The following CCNA1 variants were observed in gnomAD, a reference collection of about 807,000 sequenced individuals.
CCNA1 encodes cyclin-A1.
In CCNA1, 23 loss-of-function variants were observed where a neutral mutation model predicts 54.1. The ratio of observed to expected loss-of-function variants is 0.42; its 90% CI spans 0.31 to 0.60. CCNA1 has a LOEUF of 0.60. CCNA1 is among the 20% of genes least tolerant of loss of function. The pLI, the probability that CCNA1 is intolerant of heterozygous loss-of-function variation, is 0.14. For synonymous variants in CCNA1, 208 were observed against 213.9 expected, an observed-to-expected ratio of 0.97 and a Z score of 0.24; for missense variants, 450 against 556.7, an observed-to-expected ratio of 0.81 and a Z score of 1.93.
In CCNA1 at chr13:36,437,620, G is replaced by A. The variant is rs767174432; in HGVS notation, c.298-9G>A. ...GTGGCCTCTAACAAAAGATTTAAAC[G>A]TTTTTTAGGGGATCACAAGAATCAG... On this transcript the variant is annotated splice_polypyrimidine_tract_variant and intron_variant, in intron 2 of 8. Transcript: ENST00000255465. The A allele has an allele frequency of 1.9e-5, 30 of 1,613,074 alleles. No individual in the cohort carries two copies. Among genetic ancestry groups the A allele is most frequent in the Non-Finnish European group, 2.3e-5 (27 of 1,179,696 alleles).
Position 36,432,496 on chromosome 13 carries a change from G to A in CCNA1, c.-126G>A, listed in dbSNP as rs2055724335. On this transcript the variant is annotated 5_prime_UTR_variant, in exon 1 of 9. Coordinates refer to ENST00000255465, the MANE Select transcript of CCNA1 (RefSeq NM_003914.4). ...CCGCGATCCTCCAGTGCACTTGCCA[G>A]TTGTTCCGGACACATAGAAAGATAA... The A allele has an allele frequency of 2.4e-6, 1 of 423,574 alleles. No homozygotes were observed. The allele number at this position is 423,574 out of a possible 1,614,324, so 26.2% of individuals were successfully genotyped here.
chr13:36,434,821 G>A (rs1593321279), intron 2 of CCNA1, among the ~76,000 whole-genome samples: 2 of 121,526 alleles, frequency 1.6e-5, no homozygotes, highest in Non-Finnish European at 3.7e-5. Flanking sequence ...GCTGTCATGA[G>A]AGGTGCCCCC....
At chr13:36,435,160 C>T (rs1021725238) in intron 2 of CCNA1, among the ~76,000 whole-genome samples, 1 of 152,120 alleles carries the variant, frequency 6.6e-6, no homozygotes, top group African/African-American at 2.4e-5. Flanking sequence ...TGCATTATGT[C>T]GATTAAAGTA....
chr13:36,432,462 A>C (rs2055723765), upstream of CCNA1: 8 of 157,078 alleles, frequency 5.1e-5, no homozygotes, highest in East Asian at 4.7e-4. Context: ...CCAGCCGGCC[A>C]CCTCTTAACC....
rs763352839 is a variant in CCNA1, at chr13:36,437,713, C to G, written c.382C>G (p.Gln128Glu). 1.2e-6 allele frequency: 2 copies of G among 1,614,080 alleles called. No homozygotes were observed. The highest frequency in any genetic ancestry group is 3.3e-5 in the Admixed American group (2 of 60,022). Residue 128 changes from glutamine to glutamate, a missense_variant, in exon 3 of 9, where the codon CAA becomes GAA. Around this residue, in one of 6 missense-constraint regions of CCNA1, gnomAD observed 103 missense variants for 92.9 expected, o/e 1.11. Coordinates refer to ENST00000255465, the MANE Select transcript of CCNA1 (RefSeq NM_003914.4). ...GAAAGCACTCCCTGACTGTGGGGTC[C>G]AAGAGCCCCCCAAGCAAGGGTTTGA...
chr13:36,432,577 C>G lies in CCNA1; in HGVS notation c.-45C>G, dbSNP rs1387754022. 2 of 1,310,530 alleles carry G rather than the reference C, an allele frequency of 1.5e-6. No individual in the cohort carries two copies. Among genetic ancestry groups the G allele is most frequent in the South Asian group, 2.9e-5 (2 of 69,450 alleles). The allele number at this position is 1,310,530 out of a possible 1,614,324, so 81.2% of individuals were successfully genotyped here. The stretch of plus-strand genomic sequence containing the variant: ...CCAGGCAGGTTTTGGGGCCTCCTGT[C>G]TGGTGGGAGGAGGCCGCAGCGCAGC... On this transcript the variant is annotated 5_prime_UTR_variant, in exon 1 of 9. Transcript: ENST00000255465.
intron 6 of CCNA1, among the ~76,000 whole-genome samples, chr13:36,440,439 C>T (rs2055862217): frequency 1.3e-5 from 2 of 152,156 alleles, no homozygotes; most frequent in African/African-American, 4.8e-5. Context: ...AAACTGTTCT[C>T]TTATTGGATA....
Position 36,441,220 on chromosome 13 carries a change from A to G in CCNA1, c.1201A>G (p.Lys401Glu), listed in dbSNP as rs948281629. ...TTGCCTGGCAAACTATACTGTGAAC[A>G]AGCACTTTTGGGTAAGATTCTAACT... Residue 401 changes from lysine (K) to glutamate (E), a missense_variant, in exon 7 of 9, where the codon AAG becomes GAG. Around this residue, in one of 6 missense-constraint regions of CCNA1, gnomAD observed 22 missense variants for 52.7 expected, o/e 0.42. Transcript: ENST00000255465. 1 of 1,598,884 alleles carries G rather than the reference A, an allele frequency of 6.3e-7. No individual in the cohort carries two copies. The highest frequency in any genetic ancestry group is 8.6e-7 in the Non-Finnish European group (1 of 1,166,620).
rs73169288 is a variant in CCNA1, at chr13:36,437,459, A to G, written c.298-170A>G. 7.0e-3 allele frequency among the ~76,000 whole-genome samples: 1,057 copies of G among 151,682 alleles called. 15 individuals carry two copies. Among genetic ancestry groups the G allele is most frequent in the African/African-American group, 0.024 (982 of 41,046 alleles). On this transcript the variant is annotated intron_variant, in intron 2 of 8. Transcript: ENST00000255465. ...CAAATGTAGACAAAGATAAGGGGGG[A>G]AAAATTACACTTTTGAAGACCTTTT...
intron 1 of CCNA1, 37 bp downstream of exon 1, chr13:36,432,766 C>T: frequency 2.3e-6 from 3 of 1,323,700 alleles, no homozygotes; most frequent in Non-Finnish European, 3.2e-6. Context: ...GGAGGCTTGT[C>T]AGAATGTTTC....
chr13:36,433,392 TTCTTTCTTTCTTTC>T (rs2055747112), intron 2 of CCNA1, among the ~76,000 whole-genome samples, 171 bp downstream of exon 2: 1 of 92,224 alleles, frequency 1.1e-5, no homozygotes, highest in East Asian at 2.6e-4. Flanking sequence ...CTTTCTTTCT[TTCTTTCTTTCTTTC>T]TTTCTTTCTT....
intron 2 of CCNA1, 63 bp from the exon 3 acceptor site, chr13:36,437,566 A>G: frequency 6.6e-7 from 1 of 1,524,240 alleles, no homozygotes; most frequent in Non-Finnish European, 9.0e-7. Flanking sequence ...TGAGTCATGC[A>G]GGTTCACATT....
chr13:36,432,657 A>G lies in CCNA1; in HGVS notation c.36A>G (p.Gly12=), dbSNP rs970470640. ...GCTTTCCCGCAATCATGTACCCTGG[A>G]TCTTTTATTGGGGGCTGGGGAGAAG... The change falls in exon 1 of 9, where the codon GGA becomes GGG. Residue 12 remains glycine, a synonymous_variant. Transcript: ENST00000255465. 6 of 1,609,580 alleles carry G rather than the reference A, an allele frequency of 3.7e-6. No homozygotes were observed. In the African/African-American group the frequency reaches 8.0e-5, roughly 22 times the overall value.
chr13:36,442,712 T>G lies in CCNA1; in HGVS notation c.*47T>G. 6.6e-7 allele frequency: 1 copy of G among 1,504,898 alleles called. No homozygotes were observed. Among genetic ancestry groups the G allele is most frequent in the Non-Finnish European group, 9.2e-7 (1 of 1,081,870 alleles). The allele number at this position is 1,504,898 out of a possible 1,614,324, so 93.2% of individuals were successfully genotyped here. On this transcript the variant is annotated 3_prime_UTR_variant, in exon 9 of 9. Transcript: ENST00000255465. Reference sequence around the variant, plus strand: ...CAGAACTTCACCTCCATATCAGAAGTGCCAATAATCGTCATAGGCTTCTGC... The same window carrying G: ...CAGAACTTCACCTCCATATCAGAAGGGCCAATAATCGTCATAGGCTTCTGC...
chr13:36,441,120 C>T lies in CCNA1; in HGVS notation c.1101C>T (p.Tyr367=), dbSNP rs1015130861. Residue 367 remains tyrosine (Y), a splice_region_variant and synonymous_variant, in exon 7 of 9, where the codon TAC becomes TAT. Transcript: ENST00000255465. The stretch of plus-strand genomic sequence containing the variant: ...GTGTTTTCTTCTCTTGTGCTTAGTA[C>T]GTAGCAGAGCTGAGTCTACTTGAAG... The T allele has an allele frequency of 9.6e-6, 15 of 1,558,774 alleles. No individual in the cohort carries two copies. The highest frequency in any genetic ancestry group is 2.7e-5 in the African/African-American group (2 of 73,804).
intron 1 of CCNA1, 109 bp downstream of exon 1, chr13:36,432,838 T>C: frequency 1.0e-6 from 1 of 974,898 alleles, no homozygotes; most frequent in Non-Finnish European, 1.6e-6. Flanking sequence ...TTCAAATAAC[T>C]GTTTTGATTC....
intron 2 of CCNA1, among the ~76,000 whole-genome samples, chr13:36,433,579 T>C (rs1166099924): frequency 1.4e-5 from 2 of 145,140 alleles, no homozygotes; most frequent in African/African-American, 5.2e-5. Context: ...TTCGCTCTTG[T>C]CGCCAGGCTG....
chr13:36,441,562 T>C (rs1057417585), intron 7 of CCNA1, among the ~76,000 whole-genome samples: 1 of 152,144 alleles, frequency 6.6e-6, no homozygotes, highest in African/African-American at 2.4e-5. Context: ...ACCTTCTATA[T>C]TAAAAACAAA....
At chr13:36,433,379 T>A (rs923294107) in intron 2 of CCNA1, among the ~76,000 whole-genome samples, 158 bp downstream of exon 2, 1 of 37,272 alleles carries the variant, frequency 2.7e-5, no homozygotes, top group African/African-American at 1.7e-4. Context: ...ATTTTCTTTC[T>A]TTCTTTCTTT....
Sources: gnomAD v4.1 joint callset for allele counts (sites outside exome capture counted in the v4.1 genomes callset) on GRCh38, gnomAD v4.1.1 for gene constraint, gnomAD v4.1.1 regional missense constraint, MANE v1.5 for transcripts, NCBI Gene and HGNC (gene_info 2026-07-23, HGNC 2026-07-21) for gene names.